LRRC37A2: variants seen among roughly 807,000 people sequenced by gnomAD.
LRRC37A2 encodes the protein leucine rich repeat containing 37 member A2.
LRRC37A2 carries 9 observed loss-of-function variants against 68.8 expected under a neutral mutation model. The ratio of observed to expected loss-of-function variants is 0.13; its 90% CI spans 0.08 to 0.23. LRRC37A2 has a LOEUF of 0.23. LRRC37A2 is among the 10% of genes least tolerant of loss of function. The pLI, the probability that LRRC37A2 is intolerant of heterozygous loss-of-function variation, is 1.00. For synonymous variants in LRRC37A2, 63 were observed against 367.6 expected, an observed-to-expected ratio of 0.17 and a Z score of 9.48; for missense variants, 168 against 950.4, an observed-to-expected ratio of 0.18 and a Z score of 10.82.
At chr17:46,612,211 C>CTTT in the LRRC37A2 span, among the ~76,000 whole-genome samples, 8 of 97,698 alleles carry the variant, frequency 8.2e-5, no homozygotes, top group Non-Finnish European at 1.2e-4. Flanking sequence ...GATGGTCATA[C>CTTT]TTTTTTTTTT....
the LRRC37A2 span, among the ~76,000 whole-genome samples, chr17:46,985,694 C>T: frequency 6.6e-6 from 1 of 152,204 alleles, no homozygotes; most frequent in African/African-American, 2.4e-5. Flanking sequence ...CATCTGTGAT[C>T]TACTTCTGCC....
chr17:46,811,107 CAGGCCAGGCTGCAA>C, the LRRC37A2 span, among the ~76,000 whole-genome samples: 1 of 152,152 alleles, frequency 6.6e-6, no homozygotes, highest in African/African-American at 2.4e-5. Flanking sequence ...CCCGGCTGTA[CAGGCCAGGCTGCAA>C]ACAGATAAAT....
the LRRC37A2 span, among the ~76,000 whole-genome samples, chr17:46,879,300 T>C: frequency 5.9e-5 from 9 of 152,268 alleles, no homozygotes; most frequent in East Asian, 1.4e-3. Context: ...AGGACAAACC[T>C]GTATTCCATG....
At chr17:46,755,680 CA>C in the LRRC37A2 span, 3 of 1,080,444 alleles carry the variant, frequency 2.8e-6, no homozygotes, top group Non-Finnish European at 3.9e-6. Context: ...ATAGCAAATG[CA>C]TAGTGGGAAA....
the LRRC37A2 span, chr17:46,751,487 T>C: frequency 6.3e-7 from 1 of 1,594,000 alleles, no homozygotes. Context: ...TTGATTATTG[T>C]TTATTGTTTT....
the LRRC37A2 span, among the ~76,000 whole-genome samples, chr17:46,881,200 G>T: frequency 5.9e-5 from 9 of 152,200 alleles, no homozygotes; most frequent in African/African-American, 1.9e-4. Context: ...GCCCTGCTGG[G>T]GTCCACATTG....
chr17:46,490,864 A>G, the LRRC37A2 span, among the ~76,000 whole-genome samples: 1 of 150,380 alleles, frequency 6.6e-6, no homozygotes, highest in African/African-American at 2.5e-5. Context: ...ACATGTGTAC[A>G]TACATACATA....
chr17:46,768,847 G>A, the LRRC37A2 span: 3 of 1,593,562 alleles, frequency 1.9e-6, no homozygotes, highest in African/African-American at 1.3e-5. This position sits in a 1 kb window ranked among gnomAD's most constrained non-coding sequence, Gnocchi z 5.0. Flanking sequence ...CCCACGAGGG[G>A]GCACATCCAG....
chr17:46,836,132 G>GTGTGTC, the LRRC37A2 span, among the ~76,000 whole-genome samples: 1 of 149,786 alleles, frequency 6.7e-6, no homozygotes, highest in Non-Finnish European at 1.5e-5. Context: ...GTGTGTGTGT[G>GTGTGTC]TGTCTCGGTT....
intron 7 of LRRC37A2, among the ~76,000 whole-genome samples, chr17:46,540,580 A>G (rs1267760348): frequency 2.1e-5 from 3 of 140,142 alleles, no homozygotes; most frequent in Non-Finnish European, 4.6e-5. Flanking sequence ...GTGCAATATG[A>G]AAATGAGAAG....
chr17:46,921,129 G>A, the LRRC37A2 span: 1 of 152,296 alleles, frequency 6.6e-6, no homozygotes, highest in South Asian at 2.1e-4. Context: ...TAACTGTGTT[G>A]TATTAAAGGA....
chr17:46,849,260 C>G, the LRRC37A2 span, among the ~76,000 whole-genome samples: 1 of 152,232 alleles, frequency 6.6e-6, no homozygotes, highest in African/African-American at 2.4e-5. Context: ...TTCTTCCAGT[C>G]TTTGATTCAT....
At chr17:46,884,609 C>G in the LRRC37A2 span, among the ~76,000 whole-genome samples, 1 of 152,210 alleles carries the variant, frequency 6.6e-6, no homozygotes, top group Admixed American at 6.5e-5. Context: ...TTTGCGCAGG[C>G]TTCATACAGG....
At chr17:46,914,672 A>G in the LRRC37A2 span, among the ~76,000 whole-genome samples, 1 of 148,880 alleles carries the variant, frequency 6.7e-6, no homozygotes, top group Non-Finnish European at 1.5e-5. Flanking sequence ...AAAAAAAAAA[A>G]AGGAAAAGAA....
the LRRC37A2 span, among the ~76,000 whole-genome samples, chr17:46,825,889 G>A: frequency 6.6e-6 from 1 of 152,228 alleles, no homozygotes; most frequent in Non-Finnish European, 1.5e-5. Flanking sequence ...TGGGCATGGT[G>A]GCGCATGCCT....
the LRRC37A2 span, among the ~76,000 whole-genome samples, chr17:46,917,726 A>G: frequency 6.6e-6 from 1 of 152,128 alleles, no homozygotes. Context: ...CCTAGTGGGG[A>G]CTCTCTGCAG....
the LRRC37A2 span, among the ~76,000 whole-genome samples, chr17:46,631,080 A>ACACACACACACACACACACACACG: frequency 4.9e-5 from 7 of 144,078 alleles, no homozygotes; most frequent in African/African-American, 2.0e-4. Context: ...ACACACACAC[A>ACACACACACACACACACACACACG]CACACACACA....
At chr17:46,889,255 C>T in the LRRC37A2 span, among the ~76,000 whole-genome samples, 19 of 152,246 alleles carry the variant, frequency 1.2e-4, no homozygotes, top group South Asian at 3.3e-3. Flanking sequence ...GAACCACTCA[C>T]TCAGAGATGT....
chr17:46,938,645 C>A, the LRRC37A2 span: 5 of 1,614,086 alleles, frequency 3.1e-6, no homozygotes, highest in Non-Finnish European at 2.5e-6. Context: ...CTGGGCTTGT[C>A]CAACACAGTG....
Sources: allele counts gnomAD v4.1 joint callset (sites outside exome capture counted in the v4.1 genomes callset), GRCh38; gene constraint gnomAD v4.1.1; non-coding constraint Gnocchi (gnomAD v3.1); transcripts MANE v1.5; gene names NCBI Gene and HGNC (gene_info 2026-07-23, HGNC 2026-07-21).